The following ZMAT4 variants were observed in gnomAD, a reference collection of about 807,000 sequenced individuals.
The protein encoded by ZMAT4 is zinc finger matrin-type protein 4.
In ZMAT4, 17 loss-of-function variants were observed where a neutral mutation model predicts 28.7. The ratio of observed to expected loss-of-function variants is 0.59; its 90% confidence interval spans 0.41 to 0.89. The LOEUF (loss-of-function observed/expected upper bound fraction) is 0.89, where lower values mean the gene tolerates loss of function less well. Ranked by LOEUF, ZMAT4 falls within the 40% of genes least tolerant of loss-of-function variation. ZMAT4 has a pLI of 0.00. For synonymous variants in ZMAT4, 117 were observed against 109.2 expected (o/e 1.07, Z -0.44); for missense variants, 240 against 283.8 (o/e 0.85, Z 1.11).
At chr8:40,600,134 A>T (rs1360420292) in intron 5 of ZMAT4, among the ~76,000 whole-genome samples, 3 of 152,234 alleles carry the variant, frequency 2.0e-5, no homozygotes. Flanking sequence ...TGGCTGTTTA[A>T]TTAAACATGT....
chr8:40,559,417 T>C (rs1322967382), intron 6 of ZMAT4, among the ~76,000 whole-genome samples: 3 of 152,152 alleles, frequency 2.0e-5, no homozygotes, highest in African/African-American at 4.8e-5. Context: ...TTCATGAATA[T>C]GCATTCCTCC....
intron 4 of ZMAT4, among the ~76,000 whole-genome samples, chr8:40,693,581 G>A (rs1256493190): frequency 6.6e-6 from 1 of 152,152 alleles, no homozygotes. Flanking sequence ...AGATCATCCA[G>A]TCTCTAGATC....
chr8:40,790,491 A>G (rs544991348), intron 2 of ZMAT4, among the ~76,000 whole-genome samples: 1 of 152,314 alleles, frequency 6.6e-6, no homozygotes, highest in South Asian at 2.1e-4. Context: ...AGAGAATTTA[A>G]ATTTTAAAGA....
At chr8:40,651,615 G>T (rs1251750158) in intron 5 of ZMAT4, among the ~76,000 whole-genome samples, 1 of 148,466 alleles carries the variant, frequency 6.7e-6, no homozygotes, top group Non-Finnish European at 1.5e-5. Flanking sequence ...AGCCCGCATC[G>T]CCAAGTCAAT....
intron 3 of ZMAT4, among the ~76,000 whole-genome samples, chr8:40,725,856 G>A (rs1312910152): frequency 1.3e-5 from 2 of 152,250 alleles, no homozygotes; most frequent in African/African-American, 2.4e-5. Flanking sequence ...ACAGGGGAAT[G>A]AGAAGTAAGA....
At chr8:40,590,726 T>C (rs1181033778) in intron 5 of ZMAT4, among the ~76,000 whole-genome samples, 1 of 152,012 alleles carries the variant, frequency 6.6e-6, no homozygotes, top group African/African-American at 2.4e-5. Flanking sequence ...TGTGTGTGTG[T>C]GTGTGTGAGT....
chr8:40,644,298 CTCCTTTCAGAAATGGTTATT>C (rs1315717881), intron 5 of ZMAT4, among the ~76,000 whole-genome samples: 1 of 152,108 alleles, frequency 6.6e-6, no homozygotes, highest in Non-Finnish European at 1.5e-5. Context: ...AGGACTGGAA[CTCCTTTCAGAAATGGTTATT>C]TCTAGGACTG....
intron 3 of ZMAT4, among the ~76,000 whole-genome samples, chr8:40,702,436 G>A (rs561058607): frequency 1.4e-3 from 212 of 152,258 alleles, no homozygotes; most frequent in Non-Finnish European, 2.3e-3. Flanking sequence ...TAAATGCAAC[G>A]TCCACATTGC....
intron 2 of ZMAT4, among the ~76,000 whole-genome samples, chr8:40,796,196 A>G (rs1381975998): frequency 6.6e-6 from 1 of 152,178 alleles, no homozygotes; most frequent in African/African-American, 2.4e-5. Context: ...GTGCATCCAC[A>G]GCGCCCATGC....
At chr8:40,840,101 A>G (rs1389514722) in intron 1 of ZMAT4, among the ~76,000 whole-genome samples, 1 of 152,202 alleles carries the variant, frequency 6.6e-6, no homozygotes, top group African/African-American at 2.4e-5. Flanking sequence ...AGGGAGATGC[A>G]TGGCTGAGGT....
chr8:40,542,011 G>A lies in ZMAT4; in HGVS notation c.675-9773C>T, dbSNP rs78541894. ...GCAGAGTGGGACTGAAGGATGGAGA[G>A]GCAGAGCAGCAGGTGCAAGGGATGA... On this transcript the variant is annotated intron_variant, in intron 6 of 6. Transcript: ENST00000297737. 5.5e-3 allele frequency among the ~76,000 whole-genome samples: 836 copies of A among 152,298 alleles called. 6 individuals carry two copies. The highest frequency in any genetic ancestry group is 0.018 in the African/African-American group (731 of 41,562).
In ZMAT4 at chr8:40,674,870, G is replaced by A. The variant is rs146482939; in HGVS notation, c.411C>T (p.Pro137=). 4.3e-6 allele frequency: 7 copies of A among 1,613,368 alleles called. No individual in the cohort carries two copies. The highest frequency in any genetic ancestry group is 1.3e-5 in the African/African-American group (1 of 74,796). ...RMDTAPVVAS[P]YQRRDSDRYC... ...ATCTGTCTGAATCTCTTCTTTGATA[G>A]GGAGATGCGACCACCGGAGCAGTGT... Residue 137 remains proline, a synonymous_variant, in exon 5 of 7, where the codon CCC becomes CCT. Transcript: ENST00000297737.
chr8:40,809,936 T>G (rs575820035), intron 2 of ZMAT4, among the ~76,000 whole-genome samples: 1 of 152,066 alleles, frequency 6.6e-6, no homozygotes, highest in South Asian at 2.1e-4. Flanking sequence ...TCCAGCTACT[T>G]GGGAGGCTAA....
At chr8:40,827,563 A>C (rs1389624265) in intron 1 of ZMAT4, among the ~76,000 whole-genome samples, 1 of 152,214 alleles carries the variant, frequency 6.6e-6, no homozygotes, top group Non-Finnish European at 1.5e-5. Context: ...CCCTGGCTCT[A>C]GTGGCTCATT....
intron 3 of ZMAT4, among the ~76,000 whole-genome samples, chr8:40,704,205 T>C (rs1585907665): frequency 1.3e-5 from 2 of 152,230 alleles, no homozygotes; most frequent in East Asian, 3.9e-4. Context: ...ATTCTGGTAC[T>C]TAACTTTGGA....
intron 4 of ZMAT4, among the ~76,000 whole-genome samples, chr8:40,678,524 A>G (rs1196520493): frequency 6.6e-6 from 1 of 152,148 alleles, no homozygotes; most frequent in Non-Finnish European, 1.5e-5. Context: ...ACTGAATCCC[A>G]TATGCTTTGT....
In ZMAT4 at chr8:40,607,678, C is replaced by T. The variant is rs1805645372; in HGVS notation, c.578-26417G>A. On this transcript the variant is annotated intron_variant, in intron 5 of 6. Coordinates refer to ENST00000297737, the MANE Select transcript of ZMAT4 (RefSeq NM_024645.3). ...TAGACTATGTCCAAGGGAAGATCTC[C>T]AGTTCAAGGGGTGCTATTCAGATTC... Among the ~76,000 whole-genome samples the T allele has an allele frequency of 1.3e-5, 2 of 152,204 alleles. 1 individual carries two copies. Among genetic ancestry groups the T allele is most frequent in the South Asian group, 4.2e-4 (2 of 4,818 alleles).
chr8:40,587,964 G>A (rs1170189996), intron 5 of ZMAT4, among the ~76,000 whole-genome samples: 1 of 151,870 alleles, frequency 6.6e-6, no homozygotes, highest in African/African-American at 2.4e-5. Context: ...ATTAATATTA[G>A]ACAAAATAGA....
At chr8:40,589,744 C>T (rs574742014) in intron 5 of ZMAT4, among the ~76,000 whole-genome samples, 1 of 146,280 alleles carries the variant, frequency 6.8e-6, no homozygotes, top group Admixed American at 6.9e-5. Flanking sequence ...TTCTTTCTTT[C>T]TTTCTTTCTT....
Sources: gnomAD v4.1 joint callset for allele counts (sites outside exome capture counted in the v4.1 genomes callset) on GRCh38, gnomAD v4.1.1 for gene constraint, MANE v1.5 for transcripts, NCBI Gene and HGNC (gene_info 2026-07-23, HGNC 2026-07-21) for gene names.